ADAD1: variants seen among roughly 807,000 people sequenced by gnomAD.
ADAD1 encodes adenosine deaminase domain containing 1.
Under a neutral mutation model 66.8 loss-of-function variants are expected in ADAD1, and 46 were observed. The observed-to-expected ratio is 0.69, with a 90% confidence interval of 0.54 to 0.88. The LOEUF (loss-of-function observed/expected upper bound fraction) is 0.88, where lower values mean the gene tolerates loss of function less well. ADAD1 is among the 40% of genes least tolerant of loss of function. ADAD1 has a pLI of 0.00. For synonymous variants in ADAD1, 248 were observed against 229.4 expected (o/e 1.08, Z -0.73); for missense variants, 617 against 681.8 (o/e 0.91, Z 1.06).
intron 7 of ADAD1, among the ~76,000 whole-genome samples, chr4:122,402,833 C>T (rs1796039051): frequency 6.6e-6 from 1 of 152,002 alleles, no homozygotes; most frequent in Admixed American, 6.6e-5. Flanking sequence ...GTGTCTTTTC[C>T]AGAAGTCATG....
At chr4:122,422,214 TC>T (rs1436026764) in intron 12 of ADAD1, among the ~76,000 whole-genome samples, 1 of 147,882 alleles carries the variant, frequency 6.8e-6, no homozygotes, top group African/African-American at 2.5e-5. Flanking sequence ...AACTTCTGCC[TC>T]CTGGGTTCAA....
intron 6 of ADAD1, among the ~76,000 whole-genome samples, chr4:122,395,605 C>T (rs1025575324): frequency 1.9e-4 from 28 of 151,094 alleles, no homozygotes; most frequent in South Asian, 1.7e-3. Context: ...CGCTTGAACC[C>T]GGGAGGCCGA....
At position 122,396,397 on chromosome 4, in the gene ADAD1, A is replaced by G. The variant is rs761458966; in HGVS notation, c.724+20A>G. ...AAAGAGGTAAGTCCACATATTTGGG[A>G]AAAACTAATATTGTAATAATCTAAT... is the stretch of plus-strand genomic sequence containing the variant. On this transcript the variant is annotated intron_variant, in intron 7 of 12. Coordinates refer to ENST00000296513, the MANE Select transcript of ADAD1 (RefSeq NM_139243.4). 2 of 1,547,414 alleles carry G rather than the reference A, an allele frequency of 1.3e-6. No individual in the cohort carries two copies. Among genetic ancestry groups the G allele is most frequent in the Admixed American group, 4.1e-5 (2 of 49,084 alleles).
chr4:122,381,249 A>G (rs1580730298), intron 4 of ADAD1, 69 bp downstream of exon 4: 1 of 1,412,210 alleles, frequency 7.1e-7, no homozygotes, highest in Non-Finnish European at 9.4e-7. Flanking sequence ...TGCTAAGTTT[A>G]GTTCTTTCTT....
In ADAD1 at chr4:122,393,800, AT is replaced by A. The variant is rs1208073200; in HGVS notation, c.598+150del. ...CTTTCACACTTCTACAAAAAGAAGA[AT>A]TTTTTTCTATACTATGCTAAAAATG... On this transcript the variant is annotated intron_variant, in intron 6 of 12. Transcript: ENST00000296513. 3 of 546,314 alleles carry A rather than the reference AT, an allele frequency of 5.5e-6. No homozygotes were observed. The African/African-American group carries it at 5.9e-5, about 11-fold the overall frequency. The allele number at this position is 546,314 out of a possible 1,614,324, so 33.8% of individuals were successfully genotyped here.
intron 5 of ADAD1, among the ~76,000 whole-genome samples, chr4:122,392,024 T>C (rs1693389411): frequency 6.6e-6 from 1 of 152,218 alleles, no homozygotes; most frequent in African/African-American, 2.4e-5. Context: ...ACTTGGTGTT[T>C]TAAAATGCAA....
chr4:122,412,587 A>G lies in ADAD1; in HGVS notation c.1027A>G (p.Asn343Asp), dbSNP rs1207860884. Residue 343 changes from asparagine to aspartate, a missense_variant, in exon 10 of 13, where the codon AAT becomes GAT. Coordinates refer to ENST00000296513, the MANE Select transcript of ADAD1 (RefSeq NM_139243.4). ...TTTCTTTTCTTTCTCTAGACGTCTT[A>G]ATCCACATTCTATATCTGCATTTGA... ...SAQIKSQLRL[N>D]PHSISAFEAN... is the part of the protein sequence containing the mutation. 1.9e-6 allele frequency: 3 copies of G among 1,613,282 alleles called. No individual in the cohort carries two copies. The African/African-American group carries it at 4.0e-5, about 22-fold the overall frequency.
Position 122,427,523 on chromosome 4 carries a change from C to CTTTTTTTTT in ADAD1, c.1618-2085_1618-2077dup, listed in dbSNP as rs59864757. Among the ~76,000 whole-genome samples, 3 of 71,980 alleles carry CTTTTTTTTT rather than the reference C, an allele frequency of 4.2e-5. 1 individual carries two copies. Among genetic ancestry groups the CTTTTTTTTT allele is most frequent in the African/African-American group, 5.7e-5 (1 of 17,532 alleles). The allele number at this position is 71,980 out of a possible 152,430, so 47.2% of individuals were successfully genotyped here. A position where few individuals can be genotyped will look rare whatever the true frequency, so the allele number is the denominator to read the frequency against. ...GAAATTGATATGGAAATCCAAAGGC[C>CTTTTTTTTT]TTTTTTTTTTTTTTTTTTTTTTTTT... On this transcript the variant is annotated intron_variant, in intron 12 of 12. Coordinates refer to ENST00000296513, the MANE Select transcript of ADAD1 (RefSeq NM_139243.4).
In ADAD1 at chr4:122,396,310, AC is replaced by A. The variant is rs759092436; in HGVS notation, c.658del (p.Leu220Ter). 1 of 1,603,996 alleles carries A rather than the reference AC, an allele frequency of 6.2e-7. No individual in the cohort carries two copies. The highest frequency in any genetic ancestry group is 8.5e-7 in the Non-Finnish European group (1 of 1,175,276). On this transcript the variant is annotated frameshift_variant, in exon 7 of 13. Transcript: ENST00000296513. LOFTEE classifies it high-confidence loss of function. ...SQIVKERFNQ[L>X]ISNRSEYLKY... ...AGATCGTTAAAGAAAGATTTAATCA[AC>A]TAATTTCTAATCGTTCAGAATACCT...
chr4:122,379,523 A>G (rs1290327160), intron 2 of ADAD1, 78 bp downstream of exon 2: 2 of 152,560 alleles, frequency 1.3e-5, no homozygotes, highest in Non-Finnish European at 2.9e-5. Flanking sequence ...CTTTTGAAAG[A>G]TGCGGCCCTG....
intron 5 of ADAD1, 61 bp from the exon 6 acceptor site, chr4:122,393,528 A>C: frequency 6.9e-7 from 1 of 1,443,770 alleles, no homozygotes; most frequent in Non-Finnish European, 9.3e-7. Flanking sequence ...GAATAAAAGA[A>C]ATACCAGCTC....
intron 5 of ADAD1, among the ~76,000 whole-genome samples, 186 bp downstream of exon 5, chr4:122,384,152 A>G (rs1477021634): frequency 6.6e-6 from 1 of 152,224 alleles, no homozygotes; most frequent in Non-Finnish European, 1.5e-5. Flanking sequence ...TGCATATTTC[A>G]GCACTGAAAG....
chr4:122,417,153 G>A (rs1400793501), intron 11 of ADAD1, among the ~76,000 whole-genome samples: 7 of 151,912 alleles, frequency 4.6e-5, no homozygotes, highest in Admixed American at 3.9e-4. Context: ...TGACCAATAT[G>A]GCGAAACCCC....
At chr4:122,394,290 G>A (rs1239279900) in intron 6 of ADAD1, among the ~76,000 whole-genome samples, 6 of 152,162 alleles carry the variant, frequency 3.9e-5, no homozygotes, top group Non-Finnish European at 1.5e-5. Context: ...ACATTGTATG[G>A]TAGTTATTAT....
intron 12 of ADAD1, 101 bp from the exon 13 acceptor site, chr4:122,429,525 T>G: frequency 1.5e-6 from 1 of 653,648 alleles, no homozygotes; most frequent in African/African-American, 1.9e-5. Context: ...AGACTTTGAT[T>G]AACTTTTTTA....
At chr4:122,408,569 C>T (rs376995235) in intron 8 of ADAD1, among the ~76,000 whole-genome samples, 6 of 152,324 alleles carry the variant, frequency 3.9e-5, no homozygotes, top group Non-Finnish European at 5.9e-5. Context: ...AGCCACCGCA[C>T]CCGGCCAAAC....
chr4:122,403,869 A>C (rs1407122941), intron 7 of ADAD1, among the ~76,000 whole-genome samples: 1 of 152,060 alleles, frequency 6.6e-6, no homozygotes, highest in Non-Finnish European at 1.5e-5. Flanking sequence ...GGGGAATGGC[A>C]GGATGCTTCT....
intron 4 of ADAD1, 23 bp from the exon 5 acceptor site, chr4:122,383,776 T>A (rs1795022770): frequency 6.4e-7 from 1 of 1,567,438 alleles, no homozygotes; most frequent in Admixed American, 2.0e-5. Flanking sequence ...TATTGTAGCA[T>A]TCATTCTGAG....
chr4:122,392,291 A>G (rs568945412), intron 5 of ADAD1, among the ~76,000 whole-genome samples: 8 of 152,310 alleles, frequency 5.3e-5, no homozygotes, highest in South Asian at 4.1e-4. Context: ...AAAGACATCA[A>G]ATCAACCCAG....
Sources: gnomAD v4.1 joint callset for allele counts (sites outside exome capture counted in the v4.1 genomes callset) on GRCh38, gnomAD v4.1.1 for gene constraint, MANE v1.5 for transcripts, NCBI Gene and HGNC (gene_info 2026-07-23, HGNC 2026-07-21) for gene names.